Variants in MYRIP observed in about 807,000 individuals in gnomAD.
MYRIP encodes the protein myosin VIIA and Rab interacting protein.
Under a neutral mutation model 98.0 loss-of-function variants are expected in MYRIP, and 49 were observed. The observed-to-expected ratio is 0.50, with a 90% CI of 0.40 to 0.63. The LOEUF (loss-of-function observed/expected upper bound fraction) is 0.63, where lower values mean the gene tolerates loss of function less well. Ranked by LOEUF, MYRIP falls within the 30% of genes least tolerant of loss-of-function variation. The pLI is 0.00. For synonymous variants in MYRIP, 404 were observed against 409.5 expected (o/e 0.99, Z 0.16); for missense variants, 1,004 against 1,058.2 (o/e 0.95, Z 0.71).
chr3:39,852,876 G>A (rs1336515478), intron 1 of MYRIP, among the ~76,000 whole-genome samples: 2 of 152,156 alleles, frequency 1.3e-5, no homozygotes, highest in African/African-American at 2.4e-5. Flanking sequence ...TGCCTTCTGG[G>A]TTCAAGCGAT....
At chr3:40,173,184 T>G (rs1382161472) in intron 8 of MYRIP, 2 of 152,170 alleles carry the variant, frequency 1.3e-5, no homozygotes, top group East Asian at 3.9e-4. Flanking sequence ...GGCTTTCACA[T>G]ATTGTTTCCT....
intron 11 of MYRIP, among the ~76,000 whole-genome samples, chr3:40,218,630 A>ATTT (rs1553629251): frequency 4.2e-5 from 1 of 23,608 alleles, no homozygotes; most frequent in African/African-American, 1.0e-4. Context: ...ATATATATAT[A>ATTT]TATATATATA....
At chr3:40,242,095 A>AGTCCC (rs1953034816) in intron 12 of MYRIP, 1 of 152,226 alleles carries the variant, frequency 6.6e-6, no homozygotes, top group Admixed American at 6.5e-5. Context: ...AGGCTCCACC[A>AGTCCC]GTCCCCAGCT....
At chr3:40,196,258 T>C (rs1951390821) in intron 10 of MYRIP, among the ~76,000 whole-genome samples, 1 of 152,164 alleles carries the variant, frequency 6.6e-6, no homozygotes, top group Non-Finnish European at 1.5e-5. Context: ...TCTACTTTTA[T>C]ATTTATTAAT....
chr3:39,820,629 A>G lies in MYRIP; in HGVS notation c.-31+10713A>G, dbSNP rs142500620. ...TTAGAGATTTTGATTTACTAGAATGATACGTAAATAGTATTATGTTTGAGA... is the reference window on the plus strand; with the variant it reads ...TTAGAGATTTTGATTTACTAGAATGGTACGTAAATAGTATTATGTTTGAGA... On this transcript the variant is annotated intron_variant, in intron 1 of 16. Coordinates refer to ENST00000302541, the MANE Select transcript of MYRIP (RefSeq NM_015460.4). Among the ~76,000 whole-genome samples the G allele has an allele frequency of 2.9e-3, 443 of 152,346 alleles. 4 individuals carry two copies. The highest frequency in any genetic ancestry group is 5.0e-3 in the Non-Finnish European group (339 of 68,034).
intron 1 of MYRIP, among the ~76,000 whole-genome samples, chr3:39,836,222 T>G (rs1941618940): frequency 6.6e-6 from 1 of 152,174 alleles, no homozygotes; most frequent in Admixed American, 6.5e-5. Flanking sequence ...AGTGTAAAAG[T>G]GTTCCTCTTT....
At chr3:40,050,740 A>G (rs1407272407) in intron 3 of MYRIP, among the ~76,000 whole-genome samples, 1 of 152,186 alleles carries the variant, frequency 6.6e-6, no homozygotes, top group African/African-American at 2.4e-5. Context: ...ACCATTCTAG[A>G]TGTCATAAAG....
intron 2 of MYRIP, among the ~76,000 whole-genome samples, chr3:40,008,613 G>A (rs1372842704): frequency 6.6e-6 from 1 of 152,136 alleles, no homozygotes; most frequent in Non-Finnish European, 1.5e-5. Context: ...ACATGAACTG[G>A]AAGACACAGC....
At chr3:40,087,331 C>T (rs1343212343) in intron 3 of MYRIP, among the ~76,000 whole-genome samples, 1 of 152,156 alleles carries the variant, frequency 6.6e-6, no homozygotes, top group Non-Finnish European at 1.5e-5. Context: ...GGGCTCAGCC[C>T]TGCCCCTGGC....
intron 2 of MYRIP, among the ~76,000 whole-genome samples, chr3:39,998,515 A>G (rs1946429176): frequency 6.6e-6 from 1 of 152,216 alleles, no homozygotes; most frequent in Admixed American, 6.5e-5. Context: ...ACCACTGCTC[A>G]ATGAAATAAA....
At chr3:40,012,101 T>A (rs1482801040) in intron 2 of MYRIP, among the ~76,000 whole-genome samples, 2 of 152,218 alleles carry the variant, frequency 1.3e-5, no homozygotes, top group Non-Finnish European at 2.9e-5. Flanking sequence ...CTATGTGCAT[T>A]TTTTTGTTTG....
At chr3:39,997,979 C>G (rs955009216) in intron 2 of MYRIP, among the ~76,000 whole-genome samples, 9 of 152,154 alleles carry the variant, frequency 5.9e-5, no homozygotes, top group Non-Finnish European at 7.3e-5. Flanking sequence ...CAACAAAATT[C>G]AACAACCTTC....
At chr3:39,868,663 G>A (rs1291174148) in intron 1 of MYRIP, among the ~76,000 whole-genome samples, 1 of 152,114 alleles carries the variant, frequency 6.6e-6, no homozygotes, top group Admixed American at 6.5e-5. Flanking sequence ...TGACCCTAAA[G>A]GGTCTGCTCC....
intron 3 of MYRIP, among the ~76,000 whole-genome samples, chr3:40,087,417 C>A (rs1247770107): frequency 1.3e-5 from 2 of 152,148 alleles, no homozygotes; most frequent in East Asian, 1.9e-4. Context: ...AGTGAGATGG[C>A]TAAGTAGATC....
At chr3:39,840,169 T>C (rs1422023703) in intron 1 of MYRIP, among the ~76,000 whole-genome samples, 1 of 152,232 alleles carries the variant, frequency 6.6e-6, no homozygotes, top group African/African-American at 2.4e-5. Flanking sequence ...ATTGGGTGCA[T>C]ATATATTTAG....
In MYRIP at chr3:40,259,744, G is replaced by A. The variant is rs1264432155; in HGVS notation, c.*1578G>A. 2.0e-5 allele frequency: 3 copies of A among 152,554 alleles called. No homozygotes were observed. The highest frequency in any genetic ancestry group is 4.8e-5 in the African/African-American group (2 of 41,444). 9.5% of individuals were successfully genotyped at this position (152,554 alleles called of 1,614,324 possible). On this transcript the variant is annotated 3_prime_UTR_variant, in exon 17 of 17. Coordinates refer to ENST00000302541, the MANE Select transcript of MYRIP (RefSeq NM_015460.4). Reference sequence around the variant, plus strand: ...GTGTTATGTGTCATCTAACAGAAATGACTCCTTTGAAATAAGTAAATCTTT... The same window carrying A: ...GTGTTATGTGTCATCTAACAGAAATAACTCCTTTGAAATAAGTAAATCTTT...
chr3:39,983,708 T>A (rs982674704), intron 2 of MYRIP, among the ~76,000 whole-genome samples: 2 of 152,100 alleles, frequency 1.3e-5, no homozygotes, highest in African/African-American at 4.8e-5. Context: ...ACAAAGTCAC[T>A]CATTATAGAT....
chr3:40,083,553 A>G (rs1948526788), intron 3 of MYRIP, among the ~76,000 whole-genome samples: 2 of 152,106 alleles, frequency 1.3e-5, no homozygotes, highest in Admixed American at 6.5e-5. Context: ...TGCCTTTTGG[A>G]CTCCCTAGAT....
intron 3 of MYRIP, among the ~76,000 whole-genome samples, chr3:40,111,749 C>T (rs952904668): frequency 6.6e-6 from 1 of 151,124 alleles, no homozygotes; most frequent in African/African-American, 2.4e-5. Flanking sequence ...ATATAAAGAA[C>T]GTTTGGGAAA....
Sources: gnomAD v4.1 joint callset for allele counts (sites outside exome capture counted in the v4.1 genomes callset) on GRCh38, gnomAD v4.1.1 for gene constraint, MANE v1.5 for transcripts, NCBI Gene and HGNC (gene_info 2026-07-23, HGNC 2026-07-21) for gene names.